Variants in WDHD1 observed in about 807,000 individuals in gnomAD.
WDHD1 encodes the protein WD repeat and HMG-box DNA binding protein 1.
Under a neutral mutation model 135.4 loss-of-function variants are expected in WDHD1, and 111 were observed. The ratio of observed to expected loss-of-function variants is 0.82; its 90% CI spans 0.70 to 0.96. The LOEUF (loss-of-function observed/expected upper bound fraction) is 0.96, where lower values mean the gene tolerates loss of function less well. Ranked by LOEUF, WDHD1 falls within the 40% of genes least tolerant of loss-of-function variation. The pLI, the probability that WDHD1 is intolerant of heterozygous loss-of-function variation, is 0.00. For synonymous variants in WDHD1, 434 were observed against 439.0 expected (o/e 0.99, Z 0.14); for missense variants, 1,351 against 1,336.3 (o/e 1.01, Z -0.17).
intron 2 of WDHD1, among the ~76,000 whole-genome samples, chr14:55,024,730 A>T (rs2042404469): frequency 1.4e-5 from 2 of 146,510 alleles, no homozygotes; most frequent in Admixed American, 1.4e-4. Context: ...TCAGAGTTAA[A>T]TGGATTAAGG....
intron 16 of WDHD1, among the ~76,000 whole-genome samples, chr14:54,976,859 C>A (rs2041532807): frequency 1.3e-5 from 2 of 149,868 alleles, no homozygotes; most frequent in Non-Finnish European, 2.9e-5. Context: ...AATATGAAAA[C>A]AGTCTGCAGT....
rs1359133125 is a variant in WDHD1 at position 54,974,493 on chromosome 14, G to GT, written c.2063+7046dup. 8.2e-3 allele frequency among the ~76,000 whole-genome samples: 455 copies of GT among 55,788 alleles called. 3 individuals carry two copies. Among genetic ancestry groups the GT allele is most frequent in the Middle Eastern group, 0.022 (4 of 186 alleles). The allele number at this position is 55,788 out of a possible 152,430, so 36.6% of individuals were successfully genotyped here. A position where few individuals can be genotyped will look rare whatever the true frequency, so the allele number is the denominator to read the frequency against. On this transcript the variant is annotated intron_variant, in intron 16 of 25. Coordinates refer to ENST00000360586, the MANE Select transcript of WDHD1 (RefSeq NM_007086.4). The stretch of plus-strand genomic sequence containing the variant: ...TTGACCACAAAACCTGTTTTGTTTT[G>GT]TTTTTTTTTTTTTTGTTATATTAAA...
chr14:54,984,344 A>T (rs568529575), intron 15 of WDHD1, among the ~76,000 whole-genome samples: 2 of 152,210 alleles, frequency 1.3e-5, no homozygotes, highest in Admixed American at 1.3e-4. Context: ...AAAATACAAA[A>T]ATTAGCTAGG....
At chr14:54,963,620 T>C (rs915796647) in intron 18 of WDHD1, among the ~76,000 whole-genome samples, 21 of 152,092 alleles carry the variant, frequency 1.4e-4, no homozygotes, top group African/African-American at 4.6e-4. Context: ...CTGGCCAATA[T>C]GGCAAAACCC....
intron 8 of WDHD1, among the ~76,000 whole-genome samples, chr14:55,001,243 A>G (rs1378312557): frequency 6.6e-6 from 1 of 152,162 alleles, no homozygotes; most frequent in Non-Finnish European, 1.5e-5. Flanking sequence ...TTTATCATGA[A>G]AAAAATTATA....
Position 54,941,981 on chromosome 14 carries a change from T to A in WDHD1, c.3190-291A>T, listed in dbSNP as rs538401970. Among the ~76,000 whole-genome samples, 373 of 152,288 alleles carry A rather than the reference T, an allele frequency of 2.4e-3. 5 individuals carry two copies. Among genetic ancestry groups the A allele is most frequent in the Middle Eastern group, 3.4e-3 (1 of 294 alleles). On this transcript the variant is annotated intron_variant, in intron 25 of 25. Coordinates refer to ENST00000360586, the MANE Select transcript of WDHD1 (RefSeq NM_007086.4). ...AAATGAAACTTTTGGCCAGGCACGG[T>A]GGCTCATGTCTGTAATCCCAGCACT...
intron 12 of WDHD1, among the ~76,000 whole-genome samples, chr14:54,989,709 G>C (rs1200767545): frequency 6.6e-6 from 1 of 151,584 alleles, no homozygotes; most frequent in African/African-American, 2.4e-5. Flanking sequence ...ACCCAAGCTG[G>C]AGTGCAGTGG....
At chr14:55,003,333 G>T (rs930471212) in intron 7 of WDHD1, among the ~76,000 whole-genome samples, 1 of 151,700 alleles carries the variant, frequency 6.6e-6, no homozygotes, top group Non-Finnish European at 1.5e-5. Context: ...AACATAATGA[G>T]ACCCTGTCTC....
chr14:55,009,496 G>T (rs1033913151), intron 4 of WDHD1, among the ~76,000 whole-genome samples: 14 of 151,076 alleles, frequency 9.3e-5, no homozygotes, highest in Non-Finnish European at 1.3e-4. Context: ...GCAATGGCGT[G>T]ATCTCAGCTC....
chr14:54,960,417 C>G (rs969039922), intron 21 of WDHD1, among the ~76,000 whole-genome samples: 5 of 152,120 alleles, frequency 3.3e-5, no homozygotes, highest in African/African-American at 1.2e-4. Flanking sequence ...ATCCACCCTC[C>G]TCAGCCTCCC....
At chr14:54,980,802 T>TTA (rs1555368940) in intron 16 of WDHD1, among the ~76,000 whole-genome samples, 28,822 of 83,540 alleles carry the variant, frequency 0.35, 3,965 homozygotes, top group South Asian at 0.38. Flanking sequence ...AGACTCCACA[T>TTA]AAAAAAAAAA....
chr14:54,996,782 T>G (rs1199359985), intron 10 of WDHD1, among the ~76,000 whole-genome samples: 1 of 152,078 alleles, frequency 6.6e-6, no homozygotes, highest in Admixed American at 6.6e-5. Flanking sequence ...CATCATAAAC[T>G]TTTTATTTTC....
In WDHD1 at chr14:54,964,626, G is replaced by A. The variant is rs189077459; in HGVS notation, c.2311-1454C>T. 6.6e-3 allele frequency among the ~76,000 whole-genome samples: 995 copies of A among 151,454 alleles called. 16 individuals are homozygous for A. The highest frequency in any genetic ancestry group is 6.6e-3 in the Non-Finnish European group (445 of 67,896). On this transcript the variant is annotated intron_variant, in intron 18 of 25. Coordinates refer to ENST00000360586, the MANE Select transcript of WDHD1 (RefSeq NM_007086.4). ...TGCACTCCAGCCTGGGCAACAGAGC[G>A]AGACTTCGTTTCAAAAAAAAAAAAA...
intron 24 of WDHD1, among the ~76,000 whole-genome samples, chr14:54,950,758 C>A (rs1382737716): frequency 6.6e-6 from 1 of 152,124 alleles, no homozygotes; most frequent in Non-Finnish European, 1.5e-5. Flanking sequence ...TAAAGCACTC[C>A]TCAGCAAATG....
chr14:54,984,085 T>C (rs1375044894), intron 15 of WDHD1, among the ~76,000 whole-genome samples: 1 of 152,248 alleles, frequency 6.6e-6, no homozygotes, highest in African/African-American at 2.4e-5. Context: ...AAGTTTTCTG[T>C]ATGATCTGCT....
rs1394338257 is a variant in WDHD1, at chr14:54,966,544, A to G, written c.2241T>C (p.Tyr747=). ...NHLDYLAKNG[Y]EYEESTKNQA... ...GATTTTTAGTGCTCTCTTCATATTCATAACCATTTTTAGCTAAATAATCAA... is the reference window on the plus strand; with the variant it reads ...GATTTTTAGTGCTCTCTTCATATTCGTAACCATTTTTAGCTAAATAATCAA... Residue 747 remains tyrosine, a synonymous_variant, in exon 18 of 26, where the codon TAT becomes TAC. Coordinates refer to ENST00000360586, the MANE Select transcript of WDHD1 (RefSeq NM_007086.4). 1.9e-6 allele frequency: 3 copies of G among 1,609,100 alleles called. No homozygotes were observed. Among genetic ancestry groups the G allele is most frequent in the Middle Eastern group, 3.4e-4 (2 of 5,826 alleles).
At chr14:54,942,119 C>T (rs557336267) in intron 25 of WDHD1, among the ~76,000 whole-genome samples, 53 of 152,020 alleles carry the variant, frequency 3.5e-4, no homozygotes, top group East Asian at 2.1e-3. Flanking sequence ...GGCATGGTAG[C>T]GGGCGCCTGT....
rs760109967 is a variant in WDHD1 at position 54,957,183 on chromosome 14, G to A, written c.2767C>T (p.Pro923Ser). The A allele has an allele frequency of 6.2e-7, 1 of 1,613,904 alleles. No homozygotes were observed. Among genetic ancestry groups the A allele is most frequent in the South Asian group, 1.1e-5 (1 of 91,012 alleles). ...CGTGCTGAATTCATTGACATGGCTG[G>A]TTCTTTGGAACTGGCTGATACCTAA... ...PFKVSASSKE[P>S]AMSMNSARST... is the part of the protein sequence containing the mutation. Residue 923 changes from proline (P) to serine (S), a missense_variant, in exon 23 of 26, where the codon CCA becomes TCA. Pro to Ser is a moderately conservative substitution (Grantham distance 74). Around this residue, in one of 2 missense-constraint regions of WDHD1, gnomAD observed 1,330 missense variants for 1,296.1 expected, o/e 1.03. Coordinates refer to ENST00000360586, the MANE Select transcript of WDHD1 (RefSeq NM_007086.4).
chr14:54,993,502 C>T (rs1229130258), intron 11 of WDHD1, among the ~76,000 whole-genome samples: 7 of 152,164 alleles, frequency 4.6e-5, no homozygotes, highest in South Asian at 4.1e-4. Flanking sequence ...CTTTAGGAAA[C>T]GATCATCTTC....
Sources: gnomAD v4.1 joint callset for allele counts (sites outside exome capture counted in the v4.1 genomes callset) on GRCh38, gnomAD v4.1.1 for gene constraint, gnomAD v4.1.1 regional missense constraint, MANE v1.5 for transcripts, NCBI Gene and HGNC (gene_info 2026-07-23, HGNC 2026-07-21) for gene names.